The following SAMD4A variants were observed in gnomAD, a reference collection of about 807,000 sequenced individuals.
SAMD4A encodes sterile alpha motif domain containing 4A.
In SAMD4A, 33 loss-of-function variants were observed where a neutral mutation model predicts 81.3. That is an observed-to-expected ratio of 0.41 (90% CI 0.31 to 0.54). The LOEUF (loss-of-function observed/expected upper bound fraction) is 0.54. Among genes scored for constraint, SAMD4A ranks in the 20% least tolerant of loss-of-function variants. SAMD4A has a pLI of 0.37. For synonymous variants in SAMD4A, 389 were observed against 382.1 expected (o/e 1.02, Z -0.21); for missense variants, 854 against 951.1 (o/e 0.90, Z 1.34).
Position 54,770,187 on chromosome 14 carries a change from C to G in SAMD4A, c.1680C>G (p.Thr560=). The change falls in exon 9 of 13, where the codon ACC becomes ACG. Residue 560 remains threonine, a synonymous_variant. Coordinates refer to ENST00000554335, the MANE Select transcript of SAMD4A (RefSeq NM_015589.6). ...QKLFRSFPRK[T]LLDISGYRQQ... ...TCTTTCGGTCTTTCCCTCGGAAAACCCTTCTAGACATATCAGGATATCGAC... is the reference window on the plus strand; with the variant it reads ...TCTTTCGGTCTTTCCCTCGGAAAACGCTTCTAGACATATCAGGATATCGAC... 1.9e-6 allele frequency: 3 copies of G among 1,613,338 alleles called. No individual in the cohort carries two copies. Among genetic ancestry groups the G allele is most frequent in the African/African-American group, 2.7e-5 (2 of 75,022 alleles).
At chr14:54,628,680 ATCC>A (rs1457243246) in intron 2 of SAMD4A, among the ~76,000 whole-genome samples, 2 of 152,172 alleles carry the variant, frequency 1.3e-5, no homozygotes, top group East Asian at 3.9e-4. Context: ...AACTCATTTA[ATCC>A]TCCTAACAAC....
chr14:54,746,941 G>A (rs557637147), intron 4 of SAMD4A, among the ~76,000 whole-genome samples: 1 of 152,350 alleles, frequency 6.6e-6, no homozygotes, highest in South Asian at 2.1e-4. Flanking sequence ...CGCTCACTCT[G>A]CAGAAGCATT....
In SAMD4A at chr14:54,567,774, AC is replaced by A. The variant is rs2032982570; in HGVS notation, c.-141del. The A allele has an allele frequency of 1.3e-6, 1 of 752,424 alleles. No individual in the cohort carries two copies. Among genetic ancestry groups the A allele is most frequent in the South Asian group, 1.9e-5 (1 of 52,082 alleles). The allele number at this position is 752,424 out of a possible 1,614,324, so 46.6% of individuals were successfully genotyped here. ...CAAGAGAGGCAGGAGCCCAGGCAGT[AC>A]CTGCAGCGTCCGGGCACCAGAGCCA... On this transcript the variant is annotated 5_prime_UTR_variant, in exon 2 of 13. Transcript: ENST00000554335.
intron 6 of SAMD4A, among the ~76,000 whole-genome samples, chr14:54,756,349 G>A (rs572385316): frequency 6.6e-6 from 1 of 152,254 alleles, no homozygotes; most frequent in African/African-American, 2.4e-5. Flanking sequence ...GCCACCCTGA[G>A]CCCTGCTCGG....
intron 2 of SAMD4A, among the ~76,000 whole-genome samples, chr14:54,659,545 T>C (rs2035594009): frequency 6.6e-6 from 1 of 152,226 alleles, no homozygotes; most frequent in South Asian, 2.1e-4. Context: ...CAATGAATAA[T>C]CAGTCATCAA....
chr14:54,755,885 G>C (rs927296868), intron 6 of SAMD4A, among the ~76,000 whole-genome samples: 3 of 152,178 alleles, frequency 2.0e-5, no homozygotes, highest in Non-Finnish European at 4.4e-5. Flanking sequence ...GTGAAACTAA[G>C]CCATGTTCTG....
At chr14:54,768,395 ATAT>A (rs1392469860) in intron 8 of SAMD4A, among the ~76,000 whole-genome samples, 5 of 151,992 alleles carry the variant, frequency 3.3e-5, no homozygotes, top group East Asian at 1.9e-4. Context: ...TTTGAGGGAG[ATAT>A]TATTATCCTC....
At chr14:54,646,236 G>A (rs1304116083) in intron 2 of SAMD4A, among the ~76,000 whole-genome samples, 2 of 152,200 alleles carry the variant, frequency 1.3e-5, no homozygotes, top group Admixed American at 6.5e-5. Context: ...GAGGAAGGCT[G>A]AGTCCATATT....
intron 2 of SAMD4A, among the ~76,000 whole-genome samples, chr14:54,642,042 C>A (rs887166637): frequency 2.0e-5 from 3 of 152,182 alleles, no homozygotes; most frequent in Non-Finnish European, 4.4e-5. Context: ...AAGTGATCCA[C>A]CCGTCTCGGC....
At chr14:54,685,187 AC>A (rs11323276) in intron 2 of SAMD4A, among the ~76,000 whole-genome samples, 91,636 of 151,894 alleles carry the variant, frequency 0.6, 30,587 homozygotes, top group Non-Finnish European at 0.77. Context: ...ATGTTGTGTG[AC>A]CATCACAGCT....
At chr14:54,639,183 A>G (rs1365561079) in intron 2 of SAMD4A, among the ~76,000 whole-genome samples, 1 of 152,202 alleles carries the variant, frequency 6.6e-6, no homozygotes, top group African/African-American at 2.4e-5. Flanking sequence ...TGCATCACAG[A>G]GTTATGTCAG....
intron 6 of SAMD4A, among the ~76,000 whole-genome samples, chr14:54,753,690 A>G (rs1594898573): frequency 6.7e-6 from 1 of 149,690 alleles, no homozygotes; most frequent in Admixed American, 6.7e-5. Flanking sequence ...ATATACATAT[A>G]TAACTTTGTA....
intron 3 of SAMD4A, among the ~76,000 whole-genome samples, chr14:54,711,140 C>T (rs191436528): frequency 3.9e-4 from 59 of 152,276 alleles, no homozygotes; most frequent in Admixed American, 1.8e-3. Flanking sequence ...GGCACATGTT[C>T]ATGAAAATAA....
At chr14:54,715,406 G>GA (rs1178789511) in intron 3 of SAMD4A, among the ~76,000 whole-genome samples, 2 of 152,138 alleles carry the variant, frequency 1.3e-5, no homozygotes, top group African/African-American at 2.4e-5. Context: ...CTGGGTGGGG[G>GA]AGGAGAGTGA....
chr14:54,758,357 T>A (rs1364209000), intron 6 of SAMD4A, among the ~76,000 whole-genome samples: 1 of 152,238 alleles, frequency 6.6e-6, no homozygotes, highest in Non-Finnish European at 1.5e-5. Flanking sequence ...CCTGCCGTCC[T>A]CAGCTTTCCT....
intron 2 of SAMD4A, among the ~76,000 whole-genome samples, chr14:54,665,673 T>C (rs2035743085): frequency 6.6e-6 from 1 of 152,208 alleles, no homozygotes; most frequent in Non-Finnish European, 1.5e-5. Flanking sequence ...CCAGGTAGAA[T>C]TGGTTGGATT....
At chr14:54,758,057 C>T (rs934600777) in intron 6 of SAMD4A, among the ~76,000 whole-genome samples, 2 of 152,198 alleles carry the variant, frequency 1.3e-5, no homozygotes, top group Non-Finnish European at 2.9e-5. Context: ...CCTGCAGAGA[C>T]ATCTGTCATG....
chr14:54,726,566 A>C (rs1221959782), intron 3 of SAMD4A, among the ~76,000 whole-genome samples: 1 of 152,204 alleles, frequency 6.6e-6, no homozygotes, highest in African/African-American at 2.4e-5. Flanking sequence ...AGCAACAGCC[A>C]ATCTAGGGAG....
chr14:54,772,141 T>G (rs1305441207), intron 9 of SAMD4A, among the ~76,000 whole-genome samples: 1 of 152,248 alleles, frequency 6.6e-6, no homozygotes, highest in Non-Finnish European at 1.5e-5. Context: ...CAAAGGTAAC[T>G]GCAACCCAAC....
Sources: gnomAD v4.1 joint callset for allele counts (sites outside exome capture counted in the v4.1 genomes callset) on GRCh38, gnomAD v4.1.1 for gene constraint, MANE v1.5 for transcripts, NCBI Gene and HGNC (gene_info 2026-07-23, HGNC 2026-07-21) for gene names.